Variants in PDE1C observed in about 807,000 individuals in gnomAD.
The protein encoded by PDE1C is dual specificity calcium/calmodulin-dependent 3',5'-cyclic nucleotide phosphodiesterase 1C.
In PDE1C, 62 loss-of-function variants were observed where a neutral mutation model predicts 93.1. That is an observed-to-expected ratio of 0.67 (90% CI 0.54 to 0.82). PDE1C has a LOEUF of 0.82. PDE1C is among the 40% of genes least tolerant of loss of function. The pLI, the probability that PDE1C is intolerant of heterozygous loss-of-function variation, is 0.00. For missense variants in PDE1C, 742 were observed against 884.6 expected, an observed-to-expected ratio of 0.84 and a Z score of 2.04; for synonymous variants, 325 against 310.1, an observed-to-expected ratio of 1.05 and a Z score of -0.50.
At chr7:31,683,575 C>T in the PDE1C span, among the ~76,000 whole-genome samples, 1 of 152,126 alleles carries the variant, frequency 6.6e-6, no homozygotes, top group Non-Finnish European at 1.5e-5. Context: ...AGACAGCTCA[C>T]TCTCCTCTCT....
Position 31,753,284 on chromosome 7 carries a change from C to T in PDE1C, c.*100G>A, listed in dbSNP as rs1794224680. On this transcript the variant is annotated 3_prime_UTR_variant, in exon 18 of 18. Transcript: ENST00000396191. ...TCAACCAGGATAGTACCTGCTCCAA[C>T]AGCCTCCAAGGGTCTTGGAGGTGTG... The T allele has an allele frequency of 2.1e-6, 3 of 1,418,818 alleles. No homozygotes were observed. The highest frequency in any genetic ancestry group is 2.8e-6 in the Non-Finnish European group (3 of 1,057,164). 87.9% of individuals were successfully genotyped at this position (1,418,818 alleles called of 1,614,324 possible). A position where few individuals can be genotyped will look rare whatever the true frequency, so the allele number is the denominator to read the frequency against.
intron 1 of PDE1C, among the ~76,000 whole-genome samples, chr7:32,273,259 A>C (rs1408434924): frequency 6.6e-6 from 1 of 152,246 alleles, no homozygotes; most frequent in Non-Finnish European, 1.5e-5. Context: ...TCAGCCTCTC[A>C]TATCAGTCCC....
chr7:31,911,005 T>C (rs1443208106), intron 2 of PDE1C, among the ~76,000 whole-genome samples: 1 of 152,186 alleles, frequency 6.6e-6, no homozygotes, highest in Non-Finnish European at 1.5e-5. Flanking sequence ...AACCTAAAAC[T>C]AGCAAAAATA....
At chr7:32,193,905 GGTTTT>G (rs1158174450) in intron 2 of PDE1C, among the ~76,000 whole-genome samples, 5 of 132,968 alleles carry the variant, frequency 3.8e-5, no homozygotes, top group African/African-American at 5.6e-5. Flanking sequence ...TTTTTTTTTT[GGTTTT>G]GTTTTGTTTT....
chr7:32,108,246 A>G (rs1469964347), intron 3 of PDE1C, among the ~76,000 whole-genome samples: 2 of 150,140 alleles, frequency 1.3e-5, no homozygotes, highest in African/African-American at 2.4e-5. Flanking sequence ...AAAAAAAAAA[A>G]AGCAAGACCT....
chr7:32,121,361 A>G (rs1799288900), intron 3 of PDE1C, among the ~76,000 whole-genome samples: 1 of 152,188 alleles, frequency 6.6e-6, no homozygotes, highest in Non-Finnish European at 1.5e-5. Context: ...CCAACATGCA[A>G]ATTCAGGAAA....
chr7:31,952,258 T>C (rs1342723819), intron 2 of PDE1C, among the ~76,000 whole-genome samples: 1 of 152,112 alleles, frequency 6.6e-6, no homozygotes, highest in Non-Finnish European at 1.5e-5. Context: ...ACTACCTTTT[T>C]TTTTTCCTTT....
intron 3 of PDE1C, among the ~76,000 whole-genome samples, chr7:32,078,675 G>A (rs554210250): frequency 4.6e-5 from 7 of 152,194 alleles, no homozygotes; most frequent in East Asian, 1.9e-4. Flanking sequence ...CTATAATCCC[G>A]GCACTTTGGG....
the PDE1C span, among the ~76,000 whole-genome samples, chr7:31,714,690 A>T: frequency 1.3e-5 from 2 of 152,234 alleles, no homozygotes; most frequent in Non-Finnish European, 2.9e-5. Flanking sequence ...GCCATGTCTT[A>T]CATGGATGGC....
At chr7:31,956,261 T>C (rs535754560) in intron 2 of PDE1C, among the ~76,000 whole-genome samples, 101 of 152,104 alleles carry the variant, frequency 6.6e-4, no homozygotes, top group African/African-American at 2.2e-3. Context: ...GCCCAGCTAA[T>C]TTTCGTATTT....
At chr7:31,707,376 G>C in the PDE1C span, 1 of 1,092,128 alleles carries the variant, frequency 9.2e-7, no homozygotes, top group Non-Finnish European at 1.3e-6. Context: ...TCTCATTTTT[G>C]TCATCGTCTG....
chr7:32,340,269 A>G (rs1354322667), intron 1 of PDE1C, among the ~76,000 whole-genome samples: 1 of 152,146 alleles, frequency 6.6e-6, no homozygotes, highest in Non-Finnish European at 1.5e-5. Context: ...AAGGTCAAGG[A>G]AATAAAGAGT....
chr7:32,269,470 G>C (rs534023353), intron 1 of PDE1C, among the ~76,000 whole-genome samples: 1 of 151,888 alleles, frequency 6.6e-6, no homozygotes, highest in East Asian at 1.9e-4. Flanking sequence ...GTTTTGTTTC[G>C]TTTTTCGGTT....
At chr7:32,061,743 A>G (rs1463451981) in intron 1 of PDE1C, among the ~76,000 whole-genome samples, 1 of 152,236 alleles carries the variant, frequency 6.6e-6, no homozygotes, top group Non-Finnish European at 1.5e-5. Context: ...TGGGCATGAT[A>G]CCAAGTAGTC....
chr7:31,813,745 G>A (rs1036444667), intron 15 of PDE1C, among the ~76,000 whole-genome samples: 1 of 151,788 alleles, frequency 6.6e-6, no homozygotes, highest in African/African-American at 2.4e-5. Flanking sequence ...TGAGATTTTG[G>A]TATAGCCATC....
At chr7:31,930,391 C>A (rs1804029058) in intron 2 of PDE1C, among the ~76,000 whole-genome samples, 1 of 152,256 alleles carries the variant, frequency 6.6e-6, no homozygotes, top group East Asian at 1.9e-4. Context: ...AAGAGGGACT[C>A]CTCCCTAACT....
At chr7:32,171,591 A>G (rs886748976) in intron 2 of PDE1C, among the ~76,000 whole-genome samples, 2 of 150,430 alleles carry the variant, frequency 1.3e-5, no homozygotes, top group Non-Finnish European at 3.0e-5. Context: ...TATTGAAATT[A>G]TTATTTTACT....
intron 11 of PDE1C, among the ~76,000 whole-genome samples, chr7:31,833,213 C>T (rs1790646169): frequency 6.6e-6 from 1 of 152,174 alleles, no homozygotes; most frequent in Non-Finnish European, 1.5e-5. Context: ...TTTGTTTTTC[C>T]TTTGTCTTCC....
intron 1 of PDE1C, among the ~76,000 whole-genome samples, chr7:32,387,890 T>TG (rs1028400741): frequency 6.6e-6 from 1 of 150,596 alleles, no homozygotes; most frequent in African/African-American, 2.5e-5. Flanking sequence ...ACGGGGCGGC[T>TG]GAGGACACCT....
Sources: allele counts gnomAD v4.1 joint callset (sites outside exome capture counted in the v4.1 genomes callset), GRCh38; gene constraint gnomAD v4.1.1; transcripts MANE v1.5; gene names NCBI Gene and HGNC (gene_info 2026-07-23, HGNC 2026-07-21).